Variants in FAM135B observed in about 807,000 individuals in gnomAD.
FAM135B encodes the protein protein FAM135B.
A neutral mutation model predicts 127.7 loss-of-function variants in FAM135B; 43 were observed. The observed-to-expected ratio is 0.34, with a 90% confidence interval of 0.26 to 0.43. The LOEUF is 0.43. Ranked by LOEUF, FAM135B falls within the 20% of genes least tolerant of loss-of-function variation. The probability of loss-of-function intolerance (pLI) is 1.00; values close to 1 mark genes in which losing one functional copy is unlikely to be tolerated. For synonymous variants in FAM135B, 670 were observed against 665.1 expected (o/e 1.01, Z -0.11); for missense variants, 1,558 against 1,725.6 (o/e 0.90, Z 1.72).
At chr8:138,393,271 T>C (rs537174775) in intron 1 of FAM135B, among the ~76,000 whole-genome samples, 4 of 152,212 alleles carry the variant, frequency 2.6e-5, no homozygotes, top group African/African-American at 7.2e-5. Flanking sequence ...CCACATCAGG[T>C]GTTTCTTCCC....
intron 2 of FAM135B, among the ~76,000 whole-genome samples, chr8:138,328,889 T>C (rs908036553): frequency 3.3e-5 from 5 of 152,164 alleles, no homozygotes; most frequent in Non-Finnish European, 7.3e-5. Context: ...GTTATGAGAC[T>C]ATTTGATGCA....
At chr8:138,346,588 G>T (rs539550936) in intron 2 of FAM135B, among the ~76,000 whole-genome samples, 1 of 152,126 alleles carries the variant, frequency 6.6e-6, no homozygotes, top group Admixed American at 6.5e-5. Context: ...GACATCACAC[G>T]TTCTCACTTA....
chr8:138,286,401 C>A (rs946429832), intron 3 of FAM135B, among the ~76,000 whole-genome samples: 5 of 152,204 alleles, frequency 3.3e-5, no homozygotes, highest in African/African-American at 9.6e-5. Flanking sequence ...TTGGAGAGAG[C>A]TTTTGCTATG....
rs2130891481 is a variant in FAM135B, at chr8:138,310,733, T to TTGACTGAGTA, written c.157+98_157+107dup. On this transcript the variant is annotated intron_variant, in intron 3 of 19. Coordinates refer to ENST00000395297, the MANE Select transcript of FAM135B (RefSeq NM_015912.4). ...TTCGCCATCCAACATTCACCACAGA[T>TTGACTGAGTA]TGACTGAGTATGTCTACATGCCTTG... The TTGACTGAGTA allele has an allele frequency of 5.2e-6, 5 of 960,558 alleles. No individual in the cohort carries two copies. In the South Asian group the frequency reaches 8.6e-5, roughly 17 times the overall value. The allele number at this position is 960,558 out of a possible 1,614,324, so 59.5% of individuals were successfully genotyped here.
chr8:138,240,898 A>G (rs1820708493), intron 7 of FAM135B, among the ~76,000 whole-genome samples: 1 of 152,138 alleles, frequency 6.6e-6, no homozygotes, highest in Admixed American at 6.5e-5. Flanking sequence ...ATCTGTGACC[A>G]CTGACATTCC....
intron 9 of FAM135B, among the ~76,000 whole-genome samples, chr8:138,194,331 G>A (rs1224613191): frequency 6.6e-6 from 1 of 152,106 alleles, no homozygotes; most frequent in African/African-American, 2.4e-5. Flanking sequence ...GCCCTCTCCA[G>A]GGATCTCCTC....
chr8:138,303,386 G>A (rs1826021985), intron 3 of FAM135B, among the ~76,000 whole-genome samples: 1 of 152,110 alleles, frequency 6.6e-6, no homozygotes, highest in African/African-American at 2.4e-5. Flanking sequence ...GTTGAACAAT[G>A]AGAACACATG....
intron 1 of FAM135B, among the ~76,000 whole-genome samples, chr8:138,443,674 C>G (rs1486018904): frequency 6.6e-6 from 1 of 152,178 alleles, no homozygotes; most frequent in Non-Finnish European, 1.5e-5. Context: ...AAACAAATGA[C>G]AGGGTGTATG....
At position 138,242,057 on chromosome 8, in the gene FAM135B, A is replaced by G. The variant is rs1294884946; in HGVS notation, c.669+885T>C. 6.6e-6 allele frequency among the ~76,000 whole-genome samples: 1 copy of G among 151,992 alleles called. No individual in the cohort carries two copies. Among genetic ancestry groups the G allele is most frequent in the Non-Finnish European group, 1.5e-5 (1 of 68,016 alleles). ...CTGGTTCTGAGGCCTTTAGCCTTGG[A>G]CTGGAATGATACCACCTGCACTCTT... is the stretch of plus-strand genomic sequence containing the variant. On this transcript the variant is annotated intron_variant, in intron 7 of 19. Coordinates refer to ENST00000395297, the MANE Select transcript of FAM135B (RefSeq NM_015912.4). This position sits in a 1 kb window ranked among gnomAD's most constrained non-coding sequence, Gnocchi z 9.6.
At chr8:138,470,664 TAATCCACAAA>T (rs908092079) in intron 1 of FAM135B, among the ~76,000 whole-genome samples, 3 of 150,990 alleles carry the variant, frequency 2.0e-5, no homozygotes, top group Admixed American at 2.0e-4. Flanking sequence ...CTAAATATTA[TAATCCACAAA>T]TCTACACAAC....
chr8:138,426,743 T>C (rs1834911462), intron 1 of FAM135B, among the ~76,000 whole-genome samples: 1 of 151,958 alleles, frequency 6.6e-6, no homozygotes, highest in Non-Finnish European at 1.5e-5. Context: ...TAAGAATCTA[T>C]TAAGAGTAGA....
intron 1 of FAM135B, among the ~76,000 whole-genome samples, chr8:138,390,431 A>G (rs1832495021): frequency 6.6e-6 from 1 of 152,068 alleles, no homozygotes; most frequent in Non-Finnish European, 1.5e-5. Flanking sequence ...GCCTTCTGCC[A>G]TGATTGTGAG....
chr8:138,492,216 C>A (rs1044601999), intron 1 of FAM135B, among the ~76,000 whole-genome samples: 1 of 151,908 alleles, frequency 6.6e-6, no homozygotes, highest in African/African-American at 2.4e-5. Context: ...GGAAAGAAAG[C>A]CTGAGTATCA....
chr8:138,322,435 T>C (rs570701121), intron 2 of FAM135B, among the ~76,000 whole-genome samples: 3 of 152,272 alleles, frequency 2.0e-5, no homozygotes, highest in Admixed American at 2.0e-4. Flanking sequence ...TAACTCCAGA[T>C]TGCTTGATAC....
At chr8:138,479,947 C>A (rs1814709216) in intron 1 of FAM135B, among the ~76,000 whole-genome samples, 1 of 152,164 alleles carries the variant, frequency 6.6e-6, no homozygotes, top group Non-Finnish European at 1.5e-5. Context: ...CCAAGGCTTA[C>A]CCCATCAGGG....
chr8:138,453,425 C>CAAA (rs397891817), intron 1 of FAM135B, among the ~76,000 whole-genome samples: 1 of 84,326 alleles, frequency 1.2e-5, no homozygotes, highest in Non-Finnish European at 2.7e-5. Flanking sequence ...GTCCAAGTGA[C>CAAA]AAAAAAAAAA....
chr8:138,152,518 C>T lies in FAM135B; in HGVS notation c.1957G>A (p.Asp653Asn), dbSNP rs764919644. Residue 653 changes from aspartate (D) to asparagine (N), a missense_variant, in exon 13 of 20, where the codon GAT becomes AAT. Physicochemically the swap from Asp to Asn is conservative, Grantham distance 23. Coordinates refer to ENST00000395297, the MANE Select transcript of FAM135B (RefSeq NM_015912.4). ...GAGTCCTTTAGGGAAGACCTAATAT[C>T]TAAGGGCTCCCTCAGGGTAGAACTT... The part of the protein sequence containing the change: ...PLSSTLREPL[D>N]IRSSLKDSHT... 6.2e-7 allele frequency: 1 copy of T among 1,614,178 alleles called. No individual in the cohort carries two copies. Among genetic ancestry groups the T allele is most frequent in the South Asian group, 1.1e-5 (1 of 91,084 alleles).
At chr8:138,236,028 A>AG (rs1820245788) in intron 7 of FAM135B, among the ~76,000 whole-genome samples, 1 of 152,184 alleles carries the variant, frequency 6.6e-6, no homozygotes, top group Non-Finnish European at 1.5e-5. Flanking sequence ...GGGAGGCTCA[A>AG]TGTGCAGGCT....
rs1228019101 is a variant in FAM135B, at chr8:138,242,362, C to T, written c.669+580G>A. ...AATCATACCCTGTGTGGTTAAAGCC[C>T]TGCACATCACAGAAGAGCAGGGGAT... On this transcript the variant is annotated intron_variant, in intron 7 of 19. Coordinates refer to ENST00000395297, the MANE Select transcript of FAM135B (RefSeq NM_015912.4). The surrounding 1 kb of genome is among the most constrained non-coding windows in gnomAD (Gnocchi z 9.6). Among the ~76,000 whole-genome samples, 1 of 151,976 alleles carries T rather than the reference C, an allele frequency of 6.6e-6. No individual in the cohort carries two copies. The highest frequency in any genetic ancestry group is 2.4e-5 in the African/African-American group (1 of 41,358).
Sources: allele counts gnomAD v4.1 joint callset (sites outside exome capture counted in the v4.1 genomes callset), GRCh38; gene constraint gnomAD v4.1.1; non-coding constraint Gnocchi (gnomAD v3.1); transcripts MANE v1.5; gene names NCBI Gene and HGNC (gene_info 2026-07-23, HGNC 2026-07-21).